The following BMP4 variants were observed in gnomAD, a reference collection of about 807,000 sequenced individuals.
BMP4 encodes bone morphogenetic protein 2B.
BMP4 carries 3 observed loss-of-function variants against 29.6 expected under a neutral mutation model. That is an observed-to-expected ratio of 0.10 (90% CI 0.05 to 0.26). The LOEUF (loss-of-function observed/expected upper bound fraction) is 0.26, where lower values mean the gene tolerates loss of function less well. BMP4 is among the 10% of genes least tolerant of loss of function. The probability of loss-of-function intolerance (pLI) is 1.00; values close to 1 mark genes in which losing one functional copy is unlikely to be tolerated. For missense variants in BMP4, 455 were observed against 550.2 expected (o/e 0.83, Z 1.73); for synonymous variants, 197 against 213.2 (o/e 0.92, Z 0.66).
rs1895280441 is a variant in BMP4, at chr14:53,949,901, T to TA, written c.*130dup. On this transcript the variant is annotated 3_prime_UTR_variant, in exon 4 of 4. Coordinates refer to ENST00000245451, the MANE Select transcript of BMP4 (RefSeq NM_001202.6). The stretch of plus-strand genomic sequence containing the variant: ...TTTTTTCCTTTTTTTTTTTTTTTTT[T>TA]AAATAAAAGTCCAGCTATAAGGAAG... The TA allele has an allele frequency of 2.8e-5, 25 of 901,706 alleles. No homozygotes were observed. Among genetic ancestry groups the TA allele is most frequent in the East Asian group, 5.5e-5 (2 of 36,470 alleles). 55.9% of individuals were successfully genotyped at this position (901,706 alleles called of 1,614,324 possible). A position where few individuals can be genotyped will look rare whatever the true frequency, so the allele number is the denominator to read the frequency against.
In BMP4 at chr14:53,950,324, G is replaced by A. The variant is rs778093557; in HGVS notation, c.935C>T (p.Ser312Leu). 1.9e-5 allele frequency: 30 copies of A among 1,614,108 alleles called. No individual in the cohort carries two copies. Among genetic ancestry groups the A allele is most frequent in the Middle Eastern group, 1.6e-4 (1 of 6,082 alleles). The part of the protein sequence containing the change: ...RKKNKNCRRH[S>L]LYVDFSDVGW... ...CACATCGCTGAAGTCCACATAGAGC[G>A]AGTGGCGCCGGCAGTTCTTATTCTT... Residue 312 changes from serine (S) to leucine (L), a missense_variant, in exon 4 of 4, where the codon TCG becomes TTG. By Grantham distance (145) the Ser-to-Leu change is moderately radical. Transcript: ENST00000245451. This position sits in a 1 kb window ranked among gnomAD's most constrained non-coding sequence, Gnocchi z 5.4.
chr14:53,956,688 A>G lies in BMP4; in HGVS notation c.-271T>C. ...TGGACGGGAATCCCATCGGGGAGAC[A>G]AGCTAGATACTCAGCCGGAGCAGCA... On this transcript the variant is annotated 5_prime_UTR_variant, in exon 1 of 4. Coordinates refer to ENST00000245451, the MANE Select transcript of BMP4 (RefSeq NM_001202.6). 2.5e-6 allele frequency: 1 copy of G among 399,062 alleles called. No individual in the cohort carries two copies. The highest frequency in any genetic ancestry group is 4.4e-5 in the Admixed American group (1 of 22,736). 24.7% of individuals were successfully genotyped at this position (399,062 alleles called of 1,614,324 possible).
intron 3 of BMP4, chr14:53,951,502 C>G: frequency 3.8e-6 from 1 of 265,642 alleles, no homozygotes; most frequent in Non-Finnish European, 7.1e-6. Flanking sequence ...TACAAGGCCC[C>G]TATTGAATAA....
chr14:53,950,820 T>C lies in BMP4; in HGVS notation c.439A>G (p.Ile147Val). 1.2e-6 allele frequency: 2 copies of C among 1,611,994 alleles called. No homozygotes were observed. Among genetic ancestry groups the C allele is most frequent in the Middle Eastern group, 1.7e-4 (1 of 6,060 alleles). ...AFRFLFNLSS[I>V]PENEVISSAE... is the part of the protein sequence containing the mutation. Reference sequence around the variant, plus strand: ...GAGGAGATCACCTCGTTCTCAGGGATGCTGCTGAGGTTAAAGAGGAAACGA... The same window carrying C: ...GAGGAGATCACCTCGTTCTCAGGGACGCTGCTGAGGTTAAAGAGGAAACGA... Residue 147 changes from isoleucine to valine, a missense_variant, in exon 4 of 4, where the codon ATC (isoleucine) becomes GTC (valine). Around this residue, in one of 4 missense-constraint regions of BMP4, gnomAD observed 249 missense variants for 284.6 expected, o/e 0.87. Transcript: ENST00000245451. This position sits in a 1 kb window ranked among gnomAD's most constrained non-coding sequence, Gnocchi z 5.4.
At chr14:53,951,730 T>C in intron 3 of BMP4, 123 bp downstream of exon 3, 1 of 1,438,354 alleles carries the variant, frequency 7.0e-7, no homozygotes, top group East Asian at 2.3e-5. Context: ...TAAGCAGCTC[T>C]GTTCCTCAGC....
chr14:53,951,891 G>A lies in BMP4; in HGVS notation c.332C>T (p.Ala111Val). Residue 111 changes from alanine (A) to valine (V), a missense_variant, in exon 3 of 4, where the codon GCC (alanine) becomes GTC (valine). Physicochemically the swap from Ala to Val is moderately conservative, Grantham distance 64. Around this residue, in one of 4 missense-constraint regions of BMP4, gnomAD observed 249 missense variants for 284.6 expected, o/e 0.87. Transcript: ENST00000245451. Reference sequence around the variant, plus strand: ...GCTCCTCACGGTGTTGGCCCGGCTGGCCGGGCGCTCAGGATACTCAAGACC... The same window carrying A: ...GCTCCTCACGGTGTTGGCCCGGCTGACCGGGCGCTCAGGATACTCAAGACC... ...STGLEYPERP[A>V]SRANTVRSFH... The A allele has an allele frequency of 6.2e-7, 1 of 1,600,710 alleles. No individual in the cohort carries two copies. The highest frequency in any genetic ancestry group is 8.5e-7 in the Non-Finnish European group (1 of 1,179,948).
In BMP4 at chr14:53,949,863, G is replaced by A; in HGVS notation, c.*169C>T. 1 of 707,704 alleles carries A rather than the reference G, an allele frequency of 1.4e-6. No homozygotes were observed. Among genetic ancestry groups the A allele is most frequent in the East Asian group, 2.7e-5 (1 of 36,514 alleles). 43.8% of individuals were successfully genotyped at this position (707,704 alleles called of 1,614,324 possible). On this transcript the variant is annotated 3_prime_UTR_variant, in exon 4 of 4. Coordinates refer to ENST00000245451, the MANE Select transcript of BMP4 (RefSeq NM_001202.6). ...GTAAAGTCATAAATAAGGTCAAGGTGAATGTTTAGGGATTTTTTCCTTTTT... is the reference window on the plus strand; with the variant it reads ...GTAAAGTCATAAATAAGGTCAAGGTAAATGTTTAGGGATTTTTTCCTTTTT...
upstream of BMP4, chr14:53,956,838 C>T (rs1895740454): frequency 2.5e-6 from 1 of 397,344 alleles, no homozygotes. Flanking sequence ...CCTCCTCTTT[C>T]CCTCCCTCGC....
chr14:53,952,399 C>CA (rs1290494407), intron 2 of BMP4, among the ~76,000 whole-genome samples, 170 bp from the exon 3 acceptor site: 21 of 151,836 alleles, frequency 1.4e-4, no homozygotes, highest in Non-Finnish European at 2.9e-4. Context: ...CCCGCCCACC[C>CA]ACCAGCTGCA....
chr14:53,950,317 A>G lies in BMP4; in HGVS notation c.942T>C (p.Tyr314=), dbSNP rs752843930. 8 of 1,614,230 alleles carry G rather than the reference A, an allele frequency of 5.0e-6. No individual in the cohort carries two copies. The South Asian group carries it at 7.7e-5, about 16-fold the overall frequency. The change falls in exon 4 of 4, where the codon TAT becomes TAC. Residue 314 remains tyrosine, a synonymous_variant. Transcript: ENST00000245451. The surrounding 1 kb of genome is among the most constrained non-coding windows in gnomAD (Gnocchi z 5.4). The part of the protein sequence containing the change: ...KNKNCRRHSL[Y]VDFSDVGWND... The stretch of plus-strand genomic sequence containing the variant: ...TCCAGCCCACATCGCTGAAGTCCAC[A>G]TAGAGCGAGTGGCGCCGGCAGTTCT...
intron 1 of BMP4, among the ~76,000 whole-genome samples, chr14:53,953,742 C>A (rs900074236): frequency 6.6e-6 from 1 of 152,110 alleles, no homozygotes; most frequent in East Asian, 1.9e-4. Context: ...GCTGGGCCCC[C>A]GCGCCGGGCC....
At chr14:53,952,346 A>C (rs1160042131) in intron 2 of BMP4, 117 bp from the exon 3 acceptor site, 1 of 1,282,820 alleles carries the variant, frequency 7.8e-7, no homozygotes, top group Non-Finnish European at 1.1e-6. Context: ...CAAGATGGAA[A>C]GCAGGTCAGA....
In BMP4 at chr14:53,956,605, G is replaced by C. The variant is rs1199019355; in HGVS notation, c.-188C>G. The C allele has an allele frequency of 2.5e-6, 1 of 399,242 alleles. No homozygotes were observed. Among genetic ancestry groups the C allele is most frequent in the Non-Finnish European group, 4.4e-6 (1 of 226,386 alleles). 24.7% of individuals were successfully genotyped at this position (399,242 alleles called of 1,614,324 possible). On this transcript the variant is annotated 5_prime_UTR_variant, in exon 1 of 4. Transcript: ENST00000245451. ...CAGCAGCTCCTGGGGACCTCTGAAC[G>C]GTTGCAGTGAACCTGGGCGAGGGCC...
At position 53,954,067 on chromosome 14, in the gene BMP4, C is replaced by A. The variant is rs1895603240; in HGVS notation, c.-132-667G>T. On this transcript the variant is annotated intron_variant, in intron 1 of 3. Coordinates refer to ENST00000245451, the MANE Select transcript of BMP4 (RefSeq NM_001202.6). This position sits in a 1 kb window ranked among gnomAD's most constrained non-coding sequence, Gnocchi z 4.8. ...GCTAAGGCTCCGAAGAGCCGGGCCA[C>A]CGATCTAGCTCCCGGCTGAAAGCAG... Among the ~76,000 whole-genome samples, 1 of 152,122 alleles carries A rather than the reference C, an allele frequency of 6.6e-6. No homozygotes were observed. Among genetic ancestry groups the A allele is most frequent in the Non-Finnish European group, 1.5e-5 (1 of 68,020 alleles).
intron 1 of BMP4, 49 bp downstream of exon 1, chr14:53,956,501 C>T (rs748408055): frequency 6.0e-5 from 24 of 399,518 alleles, no homozygotes; most frequent in Non-Finnish European, 9.3e-5. Context: ...CCCAAGGAGG[C>T]TCCTAGACCC....
chr14:53,956,630 C>T lies in BMP4; in HGVS notation c.-213G>A. 1 of 399,364 alleles carries T rather than the reference C, an allele frequency of 2.5e-6. No individual in the cohort carries two copies. The highest frequency in any genetic ancestry group is 3.6e-5 in the East Asian group (1 of 28,072). 24.7% of individuals were successfully genotyped at this position (399,364 alleles called of 1,614,324 possible). ...GGTTGCAGTGAACCTGGGCGAGGGC[C>T]GGGGACTGTGGCGCTGCAGGCTCGA... On this transcript the variant is annotated 5_prime_UTR_variant, in exon 1 of 4. Coordinates refer to ENST00000245451, the MANE Select transcript of BMP4 (RefSeq NM_001202.6).
chr14:53,951,566 C>T (rs556354310), intron 3 of BMP4: 2 of 387,580 alleles, frequency 5.2e-6, no homozygotes, highest in East Asian at 4.4e-5. Context: ...TTGAAAAAAA[C>T]GGGCAGAAAA....
At position 53,954,812 on chromosome 14, in the gene BMP4, C is replaced by A. The variant is rs868717053; in HGVS notation, c.-132-1412G>T. ...CTCCTGCCCCAAAGCCCACTCCACC[C>A]GACCTCCCTTTCCTGAGGCTGTTCC... On this transcript the variant is annotated intron_variant, in intron 1 of 3. Transcript: ENST00000245451. This position sits in a 1 kb window ranked among gnomAD's most constrained non-coding sequence, Gnocchi z 4.8. Among the ~76,000 whole-genome samples the A allele has an allele frequency of 6.6e-6, 1 of 152,164 alleles. No individual in the cohort carries two copies. Among genetic ancestry groups the A allele is most frequent in the Non-Finnish European group, 1.5e-5 (1 of 68,024 alleles).
intron 1 of BMP4, 101 bp downstream of exon 1, chr14:53,956,449 C>G (rs1020093839): frequency 1.8e-5 from 7 of 398,590 alleles, no homozygotes; most frequent in Non-Finnish European, 3.1e-5. Flanking sequence ...AATAATTAGG[C>G]CACCTTTTGC....
Sources: allele counts gnomAD v4.1 joint callset (sites outside exome capture counted in the v4.1 genomes callset), GRCh38; gene constraint gnomAD v4.1.1; regional missense constraint gnomAD v4.1.1; non-coding constraint Gnocchi (gnomAD v3.1); transcripts MANE v1.5; gene names NCBI Gene and HGNC (gene_info 2026-07-23, HGNC 2026-07-21).